The following TBCA variants were observed in gnomAD, a reference collection of about 807,000 sequenced individuals.
TBCA encodes the protein tubulin folding cofactor A, also known as tubulin-specific chaperone A.
TBCA carries 6 observed loss-of-function variants against 15.8 expected under a neutral mutation model. That is an observed-to-expected ratio of 0.38 (90% CI 0.21 to 0.75). The LOEUF is 0.75. Among genes scored for constraint, TBCA ranks in the 30% least tolerant of loss-of-function variants. TBCA has a pLI of 0.46. For synonymous variants in TBCA, 32 were observed against 42.3 expected, an observed-to-expected ratio of 0.76 and a Z score of 0.94; for missense variants, 90 against 131.2, an observed-to-expected ratio of 0.69 and a Z score of 1.53.
At chr5:77,714,787 C>T (rs1488818537) in intron 1 of TBCA, among the ~76,000 whole-genome samples, 1 of 152,010 alleles carries the variant, frequency 6.6e-6, no homozygotes, top group African/African-American at 2.4e-5. Context: ...AGGATGGTCT[C>T]AATCTCCTGA....
intron 1 of TBCA, among the ~76,000 whole-genome samples, chr5:77,756,629 G>GA (rs11347774): frequency 0.024 from 3,256 of 136,246 alleles, 41 homozygotes; most frequent in South Asian, 0.038. Flanking sequence ...TTCCTAAGAG[G>GA]AAAAAAAAAA....
In TBCA at chr5:77,713,041, C is replaced by T. The variant is rs181006059; in HGVS notation, c.54-4694G>A. Among the ~76,000 whole-genome samples, 400 of 152,154 alleles carry T rather than the reference C, an allele frequency of 2.6e-3. 3 individuals carry two copies. Among genetic ancestry groups the T allele is most frequent in the Admixed American group, 4.5e-3 (68 of 15,276 alleles). On this transcript the variant is annotated intron_variant, in intron 1 of 3. Coordinates refer to ENST00000380377, the MANE Select transcript of TBCA (RefSeq NM_004607.3). Reference sequence around the variant, plus strand: ...AGGTACAGCGGCTCACACCTGTAATCCCAACACTTTGGGAGGCTGAGGCAG... The same window carrying T: ...AGGTACAGCGGCTCACACCTGTAATTCCAACACTTTGGGAGGCTGAGGCAG...
chr5:77,733,546 T>A (rs1219646088), intron 1 of TBCA, among the ~76,000 whole-genome samples: 1 of 152,182 alleles, frequency 6.6e-6, no homozygotes, highest in African/African-American at 2.4e-5. Flanking sequence ...CAAAGCTGAA[T>A]CCAGAGCGAG....
At chr5:77,720,348 A>G (rs1228603170) in intron 1 of TBCA, among the ~76,000 whole-genome samples, 1 of 152,162 alleles carries the variant, frequency 6.6e-6, no homozygotes, top group Non-Finnish European at 1.5e-5. Flanking sequence ...TGTGAACATC[A>G]TGGGGAAAAT....
intron 1 of TBCA, among the ~76,000 whole-genome samples, chr5:77,760,389 TTTTCC>T (rs369787943): frequency 4.6e-5 from 7 of 152,078 alleles, no homozygotes; most frequent in Admixed American, 1.3e-4. Context: ...CCTTCCTCCT[TTTTCC>T]TTTCCTTTCC....
intron 1 of TBCA, among the ~76,000 whole-genome samples, chr5:77,773,089 A>G (rs1262121556): frequency 6.6e-6 from 1 of 152,246 alleles, no homozygotes; most frequent in African/African-American, 2.4e-5. Flanking sequence ...TATACTGACT[A>G]AAATGACATA....
chr5:77,760,608 A>G (rs899354890), intron 1 of TBCA, among the ~76,000 whole-genome samples: 3 of 152,120 alleles, frequency 2.0e-5, no homozygotes, highest in Non-Finnish European at 4.4e-5. Flanking sequence ...TTTTTGGTGG[A>G]AACGGGGTTT....
intron 1 of TBCA, among the ~76,000 whole-genome samples, chr5:77,756,072 TTCC>T (rs993878104): frequency 1.3e-5 from 2 of 152,202 alleles, no homozygotes; most frequent in African/African-American, 2.4e-5. Context: ...CTCCTTGTTT[TTCC>T]TCATTATTAG....
intron 1 of TBCA, among the ~76,000 whole-genome samples, chr5:77,764,574 CTAATT>C (rs1747729449): frequency 6.6e-6 from 1 of 152,142 alleles, no homozygotes; most frequent in African/African-American, 2.4e-5. Context: ...AGAAAAAAAA[CTAATT>C]TATAGAAAAT....
At chr5:77,693,649 A>G (rs1446519244) in intron 2 of TBCA, 1 of 321,806 alleles carries the variant, frequency 3.1e-6, no homozygotes, top group Non-Finnish European at 6.0e-6. Context: ...AAAATACAAA[A>G]TTAGCAGGGC....
At chr5:77,748,061 T>C (rs935701328) in intron 1 of TBCA, among the ~76,000 whole-genome samples, 10 of 152,198 alleles carry the variant, frequency 6.6e-5, no homozygotes, top group Non-Finnish European at 1.3e-4. Context: ...ACTTAGTTTC[T>C]AGCATAAGCA....
intron 2 of TBCA, among the ~76,000 whole-genome samples, chr5:77,699,047 AAAAAAAAAAAAG>A (rs1561262949): frequency 2.7e-5 from 4 of 149,826 alleles, no homozygotes; most frequent in Non-Finnish European, 6.0e-5. Flanking sequence ...AAAAAAAAAA[AAAAAAAAAAAAG>A]AAATACTTAG....
chr5:77,748,504 T>C (rs899276423), intron 1 of TBCA, among the ~76,000 whole-genome samples: 14 of 152,002 alleles, frequency 9.2e-5, no homozygotes, highest in Non-Finnish European at 1.6e-4. Context: ...TTTAAGATTT[T>C]CTCCTTTTAG....
At chr5:77,732,998 T>C (rs780448571) in intron 1 of TBCA, among the ~76,000 whole-genome samples, 13 of 152,162 alleles carry the variant, frequency 8.5e-5, no homozygotes, top group Non-Finnish European at 1.5e-4. Context: ...TTAGAAACGA[T>C]TGGCCAAGCA....
At chr5:77,747,550 T>C (rs1326984230) in intron 1 of TBCA, among the ~76,000 whole-genome samples, 2 of 152,092 alleles carry the variant, frequency 1.3e-5, no homozygotes, top group Non-Finnish European at 2.9e-5. Context: ...AAAACAAATA[T>C]AGAAGTGTTA....
chr5:77,765,827 C>A (rs1401012069), intron 1 of TBCA, among the ~76,000 whole-genome samples: 1 of 147,986 alleles, frequency 6.8e-6, no homozygotes. Context: ...GTTCTAGGGG[C>A]CATATATAAC....
intron 1 of TBCA, among the ~76,000 whole-genome samples, chr5:77,775,481 G>A (rs1396753341): frequency 6.6e-6 from 1 of 152,200 alleles, no homozygotes. Flanking sequence ...TTGGGCACAT[G>A]TCATCAGGAC....
intron 1 of TBCA, among the ~76,000 whole-genome samples, chr5:77,736,200 G>A (rs1746899376): frequency 6.6e-6 from 1 of 152,120 alleles, no homozygotes. Context: ...GCTGGGCGTG[G>A]TGGTGGTTGC....
intron 2 of TBCA, among the ~76,000 whole-genome samples, chr5:77,699,836 G>A (rs2546164): frequency 0.23 from 35,251 of 151,692 alleles, 4,751 homozygotes; most frequent in Non-Finnish European, 0.31. Flanking sequence ...TCAGGAGTTC[G>A]AGACCAGCCT....
Sources: gnomAD v4.1 joint callset for allele counts (sites outside exome capture counted in the v4.1 genomes callset) on GRCh38, gnomAD v4.1.1 for gene constraint, MANE v1.5 for transcripts, NCBI Gene and HGNC (gene_info 2026-07-23, HGNC 2026-07-21) for gene names.